The following JPT2 variants were observed in gnomAD, a reference collection of about 807,000 sequenced individuals.
JPT2 encodes CRAMP_1 like.
In JPT2, 9 loss-of-function variants were observed where a neutral mutation model predicts 15.9. That is an observed-to-expected ratio of 0.57 (90% CI 0.34 to 0.99). The LOEUF is 0.99. Among genes scored for constraint, JPT2 ranks in the 50% least tolerant of loss-of-function variants. The probability of loss-of-function intolerance (pLI) is 0.02; values close to 1 mark genes in which losing one functional copy is unlikely to be tolerated. For missense variants in JPT2, 267 were observed against 252.1 expected, an observed-to-expected ratio of 1.06 and a Z score of -0.40; for synonymous variants, 95 against 91.7, an observed-to-expected ratio of 1.04 and a Z score of -0.21.
chr16:1,698,723 C>G lies in JPT2; in HGVS notation c.386-88C>G. The G allele has an allele frequency of 2.2e-6, 3 of 1,352,650 alleles. No individual in the cohort carries two copies. Among genetic ancestry groups the G allele is most frequent in the Non-Finnish European group, 3.0e-6 (3 of 1,000,290 alleles). 83.8% of individuals were successfully genotyped at this position (1,352,650 alleles called of 1,614,324 possible). A position where few individuals can be genotyped will look rare whatever the true frequency, so the allele number is the denominator to read the frequency against. On this transcript the variant is annotated intron_variant, in intron 4 of 4. Transcript: ENST00000248098. This position sits in a 1 kb window ranked among gnomAD's most constrained non-coding sequence, Gnocchi z 4.9. ...CAGCATGAATTTCTTGCAGGTTGCT[C>G]TATGACACACTTTTTATTTCCACAG...
rs772812587 is a variant in JPT2, at chr16:1,698,821, C to T, written c.396C>T (p.Ser132=). ...CTTTGTGTCCCACAGCTGCAAGGAGCATCCCGGCTGGAGCAGAGCCAGGTG... is the reference window on the plus strand; with the variant it reads ...CTTTGTGTCCCACAGCTGCAAGGAGTATCCCGGCTGGAGCAGAGCCAGGTG... ...EPKSDLKAAR[S]IPAGAEPGEK... is the part of the protein sequence containing the mutation. Residue 132 remains serine, a synonymous_variant, in exon 5 of 5, where the codon AGC becomes AGT. Coordinates refer to ENST00000248098, the MANE Select transcript of JPT2 (RefSeq NM_144570.3). The surrounding 1 kb of genome is among the most constrained non-coding windows in gnomAD (Gnocchi z 4.9). 8 of 1,611,544 alleles carry T rather than the reference C, an allele frequency of 5.0e-6. No individual in the cohort carries two copies. The highest frequency in any genetic ancestry group is 2.2e-5 in the South Asian group (2 of 90,818).
chr16:1,681,836 C>G (rs2037025430), intron 1 of JPT2, among the ~76,000 whole-genome samples: 1 of 152,212 alleles, frequency 6.6e-6, no homozygotes, highest in East Asian at 1.9e-4. Context: ...GGAAAGAGTC[C>G]TACAGAGCTT....
At chr16:1,683,197 C>T (rs531881929) in intron 1 of JPT2, among the ~76,000 whole-genome samples, 8 of 152,134 alleles carry the variant, frequency 5.3e-5, no homozygotes, top group South Asian at 2.1e-4. Context: ...AGGATGGTCT[C>T]GATCTCCTGA....
At chr16:1,696,534 A>T (rs1380104847) in intron 3 of JPT2, among the ~76,000 whole-genome samples, 3 of 152,100 alleles carry the variant, frequency 2.0e-5, no homozygotes, top group Non-Finnish European at 4.4e-5. Flanking sequence ...AAAAAAAAAA[A>T]GTGAAAAGAT....
At chr16:1,685,201 G>A (rs1041008324) in intron 1 of JPT2, among the ~76,000 whole-genome samples, 1 of 150,972 alleles carries the variant, frequency 6.6e-6, no homozygotes, top group African/African-American at 2.4e-5. Flanking sequence ...GGTGGTGGGT[G>A]CCTGTAATCC....
chr16:1,693,695 A>G (rs2037121018), intron 3 of JPT2, among the ~76,000 whole-genome samples: 1 of 151,966 alleles, frequency 6.6e-6, no homozygotes, highest in Admixed American at 6.6e-5. Flanking sequence ...GTCCAGGACC[A>G]TTGGACATCG....
At chr16:1,697,995 T>A in intron 4 of JPT2, 135 bp downstream of exon 4, 1 of 741,022 alleles carries the variant, frequency 1.3e-6, no homozygotes, top group Non-Finnish European at 2.3e-6. Flanking sequence ...AGCTCAGGTG[T>A]ATCCACTGCA....
chr16:1,685,880 C>T (rs761507651), intron 2 of JPT2: 7 of 270,428 alleles, frequency 2.6e-5, no homozygotes, highest in South Asian at 2.0e-4. Flanking sequence ...AATTGTTCCA[C>T]GGACCCCCAT....
intron 3 of JPT2, among the ~76,000 whole-genome samples, chr16:1,693,785 C>T (rs991151089): frequency 6.6e-6 from 1 of 151,042 alleles, no homozygotes; most frequent in Non-Finnish European, 1.5e-5. Context: ...CTCGTAATGC[C>T]AGAAAATGAG....
In JPT2 at chr16:1,678,331, A is replaced by C; in HGVS notation, c.19A>C (p.Ser7Arg). MFQVPDSEGGRAGSRAM... is the reference protein window; with the variant it reads MFQVPDREGGRAGSRAM... The stretch of plus-strand genomic sequence containing the variant: ...GGTCGACATGTTCCAGGTCCCGGAT[A>C]GCGAGGGCGGCCGCGCCGGCTCCAG... Residue 7 changes from serine to arginine, a missense_variant, in exon 1 of 5, where the codon AGC (serine) becomes CGC (arginine). Ser to Arg is a moderately radical substitution (Grantham distance 110). Coordinates refer to ENST00000248098, the MANE Select transcript of JPT2 (RefSeq NM_144570.3). 1 of 1,235,410 alleles carries C rather than the reference A, an allele frequency of 8.1e-7. No homozygotes were observed. Among genetic ancestry groups the C allele is most frequent in the Non-Finnish European group, 1.0e-6 (1 of 986,878 alleles). The allele number at this position is 1,235,410 out of a possible 1,614,324, so 76.5% of individuals were successfully genotyped here. A position where few individuals can be genotyped will look rare whatever the true frequency, so the allele number is the denominator to read the frequency against.
intron 1 of JPT2, among the ~76,000 whole-genome samples, chr16:1,681,392 CT>C (rs568126444): frequency 1.3e-5 from 2 of 152,086 alleles, no homozygotes; most frequent in African/African-American, 2.4e-5. Context: ...TTTGGTACCA[CT>C]TTTTTTTCTT....
intron 2 of JPT2, among the ~76,000 whole-genome samples, chr16:1,687,017 C>G (rs2037071938): frequency 6.6e-6 from 1 of 152,256 alleles, no homozygotes; most frequent in Non-Finnish European, 1.5e-5. Flanking sequence ...GGGTCTCACT[C>G]TGTCGCCCAG....
At chr16:1,683,476 G>A (rs1338745650) in intron 1 of JPT2, 4 of 1,405,018 alleles carry the variant, frequency 2.8e-6, no homozygotes, top group South Asian at 1.2e-5. Context: ...AAGTGCACCT[G>A]TCTTTTTTTT....
chr16:1,695,195 C>T (rs895591252), intron 3 of JPT2, among the ~76,000 whole-genome samples: 5 of 151,822 alleles, frequency 3.3e-5, no homozygotes, highest in African/African-American at 1.2e-4. Flanking sequence ...CACCTGAGGC[C>T]GGGAGTTCGA....
rs1478022471 is a variant in JPT2, at chr16:1,699,940, G to A, written c.*942G>A. On this transcript the variant is annotated 3_prime_UTR_variant, in exon 5 of 5. Coordinates refer to ENST00000248098, the MANE Select transcript of JPT2 (RefSeq NM_144570.3). ...TCTTTCTTTATTCCTTAATTGGTTGGTGGAAAGAAGAGATGCTTGGGAACC... is the reference window on the plus strand; with the variant it reads ...TCTTTCTTTATTCCTTAATTGGTTGATGGAAAGAAGAGATGCTTGGGAACC... The A allele has an allele frequency of 1.4e-5, 4 of 287,858 alleles. No individual in the cohort carries two copies. The highest frequency in any genetic ancestry group is 6.5e-5 in the African/African-American group (3 of 46,136). 17.8% of individuals were successfully genotyped at this position (287,858 alleles called of 1,614,324 possible).
chr16:1,688,546 C>G (rs1233698839), intron 2 of JPT2: 1 of 152,116 alleles, frequency 6.6e-6, no homozygotes, highest in East Asian at 1.9e-4. Context: ...TTATTTGCAC[C>G]AGCAGTATTT....
At position 1,700,065 on chromosome 16, in the gene JPT2, C is replaced by T. The variant is rs138304158; in HGVS notation, c.*1067C>T. The stretch of plus-strand genomic sequence containing the variant: ...TGTTGACTCTGGTCTGTTTCTGACA[C>T]CTTTCCAGAAAAAAGTCAATTGTTC... On this transcript the variant is annotated 3_prime_UTR_variant, in exon 5 of 5. Coordinates refer to ENST00000248098, the MANE Select transcript of JPT2 (RefSeq NM_144570.3). 3.2e-4 allele frequency: 140 copies of T among 441,628 alleles called. No individual in the cohort carries two copies. The East Asian group carries it at 9.5e-3, about 30-fold the overall frequency. 27.4% of individuals were successfully genotyped at this position (441,628 alleles called of 1,614,324 possible).
At chr16:1,695,844 AT>A (rs1463000127) in intron 3 of JPT2, among the ~76,000 whole-genome samples, 1 of 152,132 alleles carries the variant, frequency 6.6e-6, no homozygotes, top group Non-Finnish European at 1.5e-5. Context: ...GCACTCCAGC[AT>A]GGGCAACAAG....
chr16:1,679,916 G>A (rs1486479838), intron 1 of JPT2, among the ~76,000 whole-genome samples: 3 of 151,942 alleles, frequency 2.0e-5, no homozygotes, highest in Non-Finnish European at 4.4e-5. Context: ...AATTAGCCGG[G>A]TGTGGGGTGG....
Sources: allele counts gnomAD v4.1 joint callset (sites outside exome capture counted in the v4.1 genomes callset), GRCh38; gene constraint gnomAD v4.1.1; non-coding constraint Gnocchi (gnomAD v3.1); transcripts MANE v1.5; gene names NCBI Gene and HGNC (gene_info 2026-07-23, HGNC 2026-07-21).